The following FARS2 variants were observed in gnomAD, a reference collection of about 807,000 sequenced individuals.
FARS2 encodes phenylalanyl-tRNA synthetase 2, mitochondrial, also known as phenylalanine--tRNA ligase, mitochondrial.
In FARS2, 40 loss-of-function variants were observed where a neutral mutation model predicts 46.4. The ratio of observed to expected loss-of-function variants is 0.86; its 90% CI spans 0.67 to 1.12. The LOEUF is 1.12. Among genes scored for constraint, FARS2 ranks in the 50% most tolerant of loss-of-function variants. The pLI, the probability that FARS2 is intolerant of heterozygous loss-of-function variation, is 0.00. For synonymous variants in FARS2, 234 were observed against 214.9 expected (o/e 1.09, Z -0.78); for missense variants, 513 against 567.9 (o/e 0.90, Z 0.98).
At chr6:5,548,214 G>T (rs927908083) in intron 5 of FARS2, among the ~76,000 whole-genome samples, 1 of 152,160 alleles carries the variant, frequency 6.6e-6, no homozygotes. Context: ...ACAACATGTG[G>T]GAATTCTGGG....
intron 2 of FARS2, among the ~76,000 whole-genome samples, chr6:5,389,096 T>C (rs1760321904): frequency 6.6e-6 from 1 of 152,214 alleles, no homozygotes; most frequent in African/African-American, 2.4e-5. Flanking sequence ...CTAATTAAGC[T>C]GCTAAACTTT....
intron 1 of FARS2, among the ~76,000 whole-genome samples, chr6:5,336,347 C>T (rs531164161): frequency 8.6e-5 from 13 of 151,802 alleles, no homozygotes; most frequent in African/African-American, 2.2e-4. Flanking sequence ...TTAAAAGTCT[C>T]GGTGACTTTA....
chr6:5,493,977 A>G (rs1767290440), intron 4 of FARS2, among the ~76,000 whole-genome samples: 2 of 152,216 alleles, frequency 1.3e-5, no homozygotes, highest in African/African-American at 4.8e-5. Context: ...GTCATGTGAT[A>G]CAATGACAGT....
At chr6:5,690,821 A>G (rs1757649665) in intron 6 of FARS2, among the ~76,000 whole-genome samples, 1 of 152,168 alleles carries the variant, frequency 6.6e-6, no homozygotes, top group African/African-American at 2.4e-5. Flanking sequence ...TCTCCCCATC[A>G]CTTTCAAGTA....
At chr6:5,449,876 C>T (rs1176655356) in intron 4 of FARS2, among the ~76,000 whole-genome samples, 1 of 152,166 alleles carries the variant, frequency 6.6e-6, no homozygotes, top group African/African-American at 2.4e-5. Context: ...TCAAGCTGTA[C>T]CAATTAATGA....
chr6:5,490,896 G>A (rs1428221895), intron 4 of FARS2, among the ~76,000 whole-genome samples: 4 of 152,178 alleles, frequency 2.6e-5, no homozygotes, highest in Non-Finnish European at 5.9e-5. Context: ...AGCCTCAGGG[G>A]ACCTCTTAAT....
At chr6:5,355,784 A>C (rs766944291) in intron 1 of FARS2, among the ~76,000 whole-genome samples, 1 of 152,074 alleles carries the variant, frequency 6.6e-6, no homozygotes, top group African/African-American at 2.4e-5. Flanking sequence ...GTAAAACATA[A>C]ATTTCTTTCC....
intron 6 of FARS2, among the ~76,000 whole-genome samples, chr6:5,681,692 G>C (rs1337894359): frequency 6.6e-6 from 1 of 152,186 alleles, no homozygotes; most frequent in Non-Finnish European, 1.5e-5. Context: ...CTGACAAACT[G>C]CTGACTGTAT....
chr6:5,294,938 G>C (rs1767752851), intron 1 of FARS2, among the ~76,000 whole-genome samples: 1 of 152,198 alleles, frequency 6.6e-6, no homozygotes, highest in Admixed American at 6.5e-5. Flanking sequence ...CTATCAGAAA[G>C]CTGAGGGAAC....
chr6:5,260,882 G>A (rs1038058717), upstream of FARS2: 5 of 1,425,768 alleles, frequency 3.5e-6, no homozygotes, highest in African/African-American at 3.0e-5. Context: ...GCCTAAGCGG[G>A]CAGCCCTGCG....
intron 6 of FARS2, among the ~76,000 whole-genome samples, chr6:5,699,227 C>T (rs546779342): frequency 6.6e-6 from 1 of 152,206 alleles, no homozygotes; most frequent in East Asian, 1.9e-4. Context: ...TTCTCTTGTT[C>T]TCTCTCATTA....
chr6:5,339,727 A>T (rs981582396), intron 1 of FARS2, among the ~76,000 whole-genome samples: 4 of 152,194 alleles, frequency 2.6e-5, no homozygotes, highest in African/African-American at 9.7e-5. Context: ...GAGCCATAGC[A>T]CCTGGCCAAA....
chr6:5,487,131 A>G (rs982470573), intron 4 of FARS2, among the ~76,000 whole-genome samples: 5 of 152,210 alleles, frequency 3.3e-5, no homozygotes, highest in Non-Finnish European at 4.4e-5. Flanking sequence ...CATTGCTTAT[A>G]CAGAGAAGGT....
At chr6:5,268,872 A>G (rs1183567082) in intron 1 of FARS2, among the ~76,000 whole-genome samples, 1 of 151,958 alleles carries the variant, frequency 6.6e-6, no homozygotes, top group African/African-American at 2.4e-5. Flanking sequence ...GTCCTCTTTT[A>G]TTTCATTGAG....
chr6:5,606,694 G>T (rs542659166), intron 5 of FARS2, among the ~76,000 whole-genome samples: 11 of 152,288 alleles, frequency 7.2e-5, no homozygotes, highest in African/African-American at 2.6e-4. Context: ...CAGAGGTGGC[G>T]TGAGTTCTCT....
At chr6:5,586,158 C>T (rs572850458) in intron 5 of FARS2, among the ~76,000 whole-genome samples, 1 of 152,206 alleles carries the variant, frequency 6.6e-6, no homozygotes, top group African/African-American at 2.4e-5. Flanking sequence ...CTCATATTAT[C>T]TTCAAACAGA....
intron 4 of FARS2, among the ~76,000 whole-genome samples, chr6:5,485,329 T>C (rs191065646): frequency 9.8e-4 from 149 of 152,262 alleles, no homozygotes; most frequent in African/African-American, 3.5e-3. Context: ...AAGTGTTGTT[T>C]TGGAGGCTGA....
chr6:5,262,723 A>G (rs1283970953), intron 1 of FARS2, among the ~76,000 whole-genome samples: 1 of 152,204 alleles, frequency 6.6e-6, no homozygotes, highest in African/African-American at 2.4e-5. Context: ...TGAAGAGAAA[A>G]TACTTTTATT....
At chr6:5,446,360 G>A (rs776418784) in intron 4 of FARS2, among the ~76,000 whole-genome samples, 2 of 152,046 alleles carry the variant, frequency 1.3e-5, no homozygotes, top group Non-Finnish European at 2.9e-5. Context: ...GGCTTCAAAG[G>A]CATTAGGAAG....
Sources: gnomAD v4.1 joint callset for allele counts (sites outside exome capture counted in the v4.1 genomes callset) on GRCh38, gnomAD v4.1.1 for gene constraint, MANE v1.5 for transcripts, NCBI Gene and HGNC (gene_info 2026-07-23, HGNC 2026-07-21) for gene names.